C4orf50: variants seen among roughly 807,000 people sequenced by gnomAD.
C4orf50 encodes chromosome 4 open reading frame 50, also known as uncharacterized protein C4orf50.
Under a neutral mutation model 77.2 loss-of-function variants are expected in C4orf50, and 80 were observed. The ratio of observed to expected loss-of-function variants is 1.04; its 90% CI spans 0.87 to 1.25. C4orf50 has a LOEUF of 1.25. C4orf50 is among the 50% of genes most tolerant of loss of function. The pLI, the probability that C4orf50 is intolerant of heterozygous loss-of-function variation, is 0.00. For missense variants in C4orf50, 1,257 were observed against 1,152.9 expected, an observed-to-expected ratio of 1.09 and a Z score of -1.31; for synonymous variants, 532 against 465.3, an observed-to-expected ratio of 1.14 and a Z score of -1.84.
chr4:6,014,803 C>T (rs539942934), intron 23 of C4orf50, among the ~76,000 whole-genome samples: 5 of 152,342 alleles, frequency 3.3e-5, no homozygotes, highest in African/African-American at 1.2e-4. Flanking sequence ...GTGCCAGCTC[C>T]CTTTTCTCCT....
At chr4:5,911,618 G>C in intron 7 of C4orf50, among the ~76,000 whole-genome samples, 1 of 152,190 alleles carries the variant, frequency 6.6e-6, no homozygotes, top group Non-Finnish European at 1.5e-5. Flanking sequence ...GATCCATTTT[G>C]CCTGCCCCAG....
chr4:5,987,423 A>AAAAAAAAAAAAAAAAAAAAAAAAAC (rs1424720747), intron 28 of C4orf50, among the ~76,000 whole-genome samples: 1 of 149,756 alleles, frequency 6.7e-6, no homozygotes, highest in East Asian at 1.9e-4. Context: ...AAAAAAAAAA[A>AAAAAAAAAAAAAAAAAAAAAAAAAC]AAAAAAAAAA....
At chr4:6,001,177 G>C (rs985849887) in intron 25 of C4orf50, among the ~76,000 whole-genome samples, 2 of 152,150 alleles carry the variant, frequency 1.3e-5, no homozygotes, top group Non-Finnish European at 2.9e-5. Flanking sequence ...TTTTGAGACA[G>C]AGTCTCGTTC....
downstream of C4orf50, among the ~76,000 whole-genome samples, chr4:5,952,676 A>G (rs562248111): frequency 6.6e-6 from 1 of 152,336 alleles, no homozygotes; most frequent in South Asian, 2.1e-4. The surrounding 1 kb of genome is among the most constrained non-coding windows in gnomAD (Gnocchi z 4.4). Context: ...CTAAAGAAAG[A>G]AACTGGCTGG....
chr4:6,013,902 C>T (rs973223946), intron 23 of C4orf50, among the ~76,000 whole-genome samples: 7 of 152,060 alleles, frequency 4.6e-5, no homozygotes, highest in Non-Finnish European at 1.0e-4. Flanking sequence ...CCACGGGAAG[C>T]TAATACACTC....
In C4orf50 at chr4:5,900,128, C is replaced by A. The variant is rs1307149353; in HGVS notation, c.*2475-1940G>T. On this transcript the variant is annotated intron_variant, in intron 7 of 7. Transcript: ENST00000324058. The surrounding 1 kb of genome is among the most constrained non-coding windows in gnomAD (Gnocchi z 4.3). ...TTCACGTTTCAGACCTAGAATTTCA[C>A]CCTGGAACCAAAGGGGAACTGTGAA... 6.6e-6 allele frequency: 1 copy of A among 152,126 alleles called. No homozygotes were observed. The highest frequency in any genetic ancestry group is 2.4e-5 in the African/African-American group (1 of 41,418). 9.4% of individuals were successfully genotyped at this position (152,126 alleles called of 1,614,324 possible). A position where few individuals can be genotyped will look rare whatever the true frequency, so the allele number is the denominator to read the frequency against.
At chr4:5,993,715 G>A (rs1168792401) in intron 26 of C4orf50, among the ~76,000 whole-genome samples, 3 of 152,156 alleles carry the variant, frequency 2.0e-5, no homozygotes, top group African/African-American at 7.2e-5. Context: ...TACTTGGGAG[G>A]CTGAGACAGG....
At chr4:5,982,299 TG>T in intron 28 of C4orf50, among the ~76,000 whole-genome samples, 2 of 151,772 alleles carry the variant, frequency 1.3e-5, no homozygotes, top group East Asian at 3.9e-4. Flanking sequence ...GGCTGTGCGG[TG>T]GGGGGTGGGC....
chr4:5,960,623 C>T (rs1309798107), intron 33 of C4orf50, among the ~76,000 whole-genome samples: 1 of 152,204 alleles, frequency 6.6e-6, no homozygotes, highest in Non-Finnish European at 1.5e-5. Context: ...GAGGCAGACA[C>T]ATAAACTCAA....
At chr4:5,987,412 C>CAAAAAAAAAAAAAAA (rs58512584) in intron 28 of C4orf50, among the ~76,000 whole-genome samples, 21 of 33,638 alleles carry the variant, frequency 6.2e-4, no homozygotes, top group South Asian at 2.0e-3. Context: ...CTCTGTCTCA[C>CAAAAAAAAAAAAAAA]AAAAAAAAAA....
At chr4:5,918,932 G>T (rs1430837866) in intron 7 of C4orf50, among the ~76,000 whole-genome samples, 1 of 152,258 alleles carries the variant, frequency 6.6e-6, no homozygotes. Flanking sequence ...CCTCCCAGGT[G>T]GTTCTAACGT....
At chr4:5,959,552 G>A (rs145869206) in exon 34 of C4orf50, 367 of 1,614,004 alleles carry the variant, frequency 2.3e-4, no homozygotes, top group Non-Finnish European at 3.0e-4. Flanking sequence ...GACGTTGTGC[G>A]GGGAGACCTG....
Position 6,004,292 on chromosome 4 carries a change from ATG to A in C4orf50, c.963+3702_963+3703del, listed in dbSNP as rs1265405421. Among the ~76,000 whole-genome samples the A allele has an allele frequency of 6.4e-3, 370 of 57,518 alleles. 18 individuals carry two copies. Among genetic ancestry groups the A allele is most frequent in the East Asian group, 0.049 (26 of 528 alleles). The allele number at this position is 57,518 out of a possible 152,430, so 37.7% of individuals were successfully genotyped here. ...GGTGATGGTGATGGTGATGTTGGTG[ATG>A]ATGGTGATGGTGGTGATGATGTGAT... On this transcript the variant is annotated intron_variant, in intron 25 of 33. Coordinates refer to ENST00000531445, the Ensembl canonical transcript of C4orf50.
At position 6,015,023 on chromosome 4, in the gene C4orf50, CT is replaced by C. The variant is rs1263555535; in HGVS notation, c.288-3056del. On this transcript the variant is annotated intron_variant, in intron 23 of 33. Transcript: ENST00000531445. This position sits in a 1 kb window ranked among gnomAD's most constrained non-coding sequence, Gnocchi z 4.4. ...TGTCTTCCTGGGGTCCATTGATCTT[CT>C]GGTTTCCACCACCAACCTTTCTAGA... is the stretch of plus-strand genomic sequence containing the variant. Among the ~76,000 whole-genome samples the C allele has an allele frequency of 6.6e-6, 1 of 152,192 alleles. No homozygotes were observed. The highest frequency in any genetic ancestry group is 2.4e-5 in the African/African-American group (1 of 41,436).
Position 5,959,724 on chromosome 4 carries a change from G to A in C4orf50, c.4276-98C>T, listed in dbSNP as rs1001855818. On this transcript the variant is annotated intron_variant, in intron 33 of 33. Transcript: ENST00000531445. The stretch of plus-strand genomic sequence containing the variant: ...ATCAAAGGAAGAGATGACAGTGATA[G>A]CTAACGGTTTCGGGGCACTTTCTGT... 11 of 1,432,224 alleles carry A rather than the reference G, an allele frequency of 7.7e-6. No individual in the cohort carries two copies. In the African/African-American group the frequency reaches 1.4e-4, roughly 19 times the overall value. The allele number at this position is 1,432,224 out of a possible 1,614,324, so 88.7% of individuals were successfully genotyped here. A position where few individuals can be genotyped will look rare whatever the true frequency, so the allele number is the denominator to read the frequency against.
At chr4:5,955,682 C>G (rs1577928621), downstream of C4orf50, among the ~76,000 whole-genome samples, 2 of 152,268 alleles carry the variant, frequency 1.3e-5, no homozygotes, top group Middle Eastern at 6.8e-3. The surrounding 1 kb of genome is among the most constrained non-coding windows in gnomAD (Gnocchi z 5.1). Context: ...TCAGTCATCC[C>G]CGGCAGCCAG....
At chr4:5,954,860 T>C (rs1414366325), downstream of C4orf50, among the ~76,000 whole-genome samples, 4 of 152,098 alleles carry the variant, frequency 2.6e-5, no homozygotes, top group Non-Finnish European at 5.9e-5. This position sits in a 1 kb window ranked among gnomAD's most constrained non-coding sequence, Gnocchi z 4.7. Flanking sequence ...GAGATGCTGG[T>C]TGGGAGAGAC....
chr4:5,972,733 C>T (rs1719999303), intron 31 of C4orf50, among the ~76,000 whole-genome samples: 1 of 152,244 alleles, frequency 6.6e-6, no homozygotes, highest in Non-Finnish European at 1.5e-5. Flanking sequence ...TGGAAAACAG[C>T]CCCGGCTGTG....
In C4orf50 at chr4:5,932,384, G is replaced by C. The variant is rs1717806555; in HGVS notation, c.*2474+24517C>G. Among the ~76,000 whole-genome samples the C allele has an allele frequency of 6.6e-6, 1 of 152,114 alleles. No individual in the cohort carries two copies. The highest frequency in any genetic ancestry group is 1.5e-5 in the Non-Finnish European group (1 of 68,030). On this transcript the variant is annotated intron_variant, in intron 7 of 7. Transcript: ENST00000324058. The surrounding 1 kb of genome is among the most constrained non-coding windows in gnomAD (Gnocchi z 4.2). ...TGCCTGGTGCTGTCCTGGTGCCCAA[G>C]TCCTGAACCTGAGGTGACCAGGTGA...
Sources: gnomAD v4.1 joint callset for allele counts (sites outside exome capture counted in the v4.1 genomes callset) on GRCh38, gnomAD v4.1.1 for gene constraint, Gnocchi (gnomAD v3.1) non-coding constraint, MANE v1.5 for transcripts, NCBI Gene and HGNC (gene_info 2026-07-23, HGNC 2026-07-21) for gene names.